TMLHE: variants seen among roughly 807,000 people sequenced by gnomAD.
TMLHE encodes trimethyllysine hydroxylase, epsilon.
Under a neutral mutation model 25.7 loss-of-function variants are expected in TMLHE, and 18 were observed. That is an observed-to-expected ratio of 0.70 (90% CI 0.48 to 1.04). The LOEUF is 1.04. TMLHE is among the 50% of genes least tolerant of loss of function. The pLI is 0.00. For synonymous variants in TMLHE, 105 were observed against 97.0 expected (o/e 1.08, Z -0.49); for missense variants, 236 against 259.0 (o/e 0.91, Z 0.61).
intron 1 of TMLHE, among the ~76,000 whole-genome samples, chrX:155,604,378 C>G (rs1480395148): frequency 1.8e-5 from 2 of 111,222 alleles, no homozygotes; most frequent in African/African-American, 6.5e-5. Context: ...CCTTCTCCCC[C>G]TCCCCATTCA....
chrX:155,525,744 C>T (rs1173659332), intron 2 of TMLHE, among the ~76,000 whole-genome samples: 2 of 112,143 alleles, frequency 1.8e-5, no homozygotes, highest in Non-Finnish European at 3.8e-5. Flanking sequence ...TTATTGGGAA[C>T]TGGAGTAATG....
At chrX:155,512,568 T>C (rs1333674475) in intron 4 of TMLHE, among the ~76,000 whole-genome samples, 5 of 111,137 alleles carry the variant, frequency 4.5e-5, no homozygotes, top group Admixed American at 9.6e-5. Flanking sequence ...CAGTCTATCA[T>C]TGTTGGACAT....
intron 1 of TMLHE, among the ~76,000 whole-genome samples, chrX:155,575,441 G>A (rs12834147): frequency 9.1e-6 from 1 of 109,971 alleles, no homozygotes; most frequent in Non-Finnish European, 1.9e-5. Context: ...CAAAATATTT[G>A]AAAATATAAT....
chrX:155,533,418 T>C (rs782325803), intron 2 of TMLHE, among the ~76,000 whole-genome samples: 1 of 111,604 alleles, frequency 9.0e-6, no homozygotes, highest in African/African-American at 3.3e-5. Flanking sequence ...CCCCTATTGG[T>C]TCTGTTCTGT....
chrX:155,555,219 A>G (rs1325447577), intron 1 of TMLHE, among the ~76,000 whole-genome samples: 2 of 110,050 alleles, frequency 1.8e-5, no homozygotes, highest in South Asian at 7.7e-4. Flanking sequence ...ATCATTGTTT[A>G]TGGCTGCATA....
At chrX:155,504,528 G>A (rs1232468944) in intron 6 of TMLHE, among the ~76,000 whole-genome samples, 3 of 108,004 alleles carry the variant, frequency 2.8e-5, no homozygotes, top group Middle Eastern at 4.7e-3. Context: ...AGAGTTGGTC[G>A]TTTAAAAGAG....
intron 1 of TMLHE, chrX:155,612,222 T>C (rs2067827419): frequency 1.8e-5 from 2 of 111,931 alleles, no homozygotes; most frequent in Admixed American, 9.4e-5. Context: ...AAAGAAAACT[T>C]CCTAGCCTAA....
At chrX:155,547,298 C>G (rs1346742233) in intron 1 of TMLHE, among the ~76,000 whole-genome samples, 5 of 96,375 alleles carry the variant, frequency 5.2e-5, no homozygotes, top group African/African-American at 1.4e-4. Flanking sequence ...GCACCTGCCA[C>G]CACGCCCGGC....
chrX:155,504,716 T>TA (rs1311276783), intron 6 of TMLHE, among the ~76,000 whole-genome samples: 3 of 110,727 alleles, frequency 2.7e-5, no homozygotes, highest in Non-Finnish European at 5.7e-5. Context: ...GAAAACATAT[T>TA]AAAAAAAACA....
At chrX:155,557,906 A>G (rs2067469374) in intron 1 of TMLHE, among the ~76,000 whole-genome samples, 1 of 111,249 alleles carries the variant, frequency 9.0e-6, no homozygotes, top group South Asian at 3.7e-4. Flanking sequence ...GTGTATCTCT[A>G]CTTGCCAACA....
intron 1 of TMLHE, among the ~76,000 whole-genome samples, chrX:155,568,697 A>C (rs1192908474): frequency 7.6e-4 from 43 of 56,797 alleles, no homozygotes; most frequent in Non-Finnish European, 1.3e-3. Context: ...TGTTCTGCAG[A>C]CACCGCTGCT....
At chrX:155,584,518 A>G (rs947561510) in intron 1 of TMLHE, among the ~76,000 whole-genome samples, 3 of 110,980 alleles carry the variant, frequency 2.7e-5, no homozygotes, top group Non-Finnish European at 3.8e-5. Flanking sequence ...TGGGGCTCAA[A>G]CATCCCCAGA....
Position 155,514,238 on chromosome X carries a change from TCATATTTAGTCA to T in TMLHE, c.374_385del (p.Val125_Tyr128del). On this transcript the variant is annotated inframe_deletion, in exon 4 of 8. Coordinates refer to ENST00000334398, the MANE Select transcript of TMLHE (RefSeq NM_018196.4). Reference sequence around the variant, plus strand: ...GCTGTTTTTCACCAGCCAATTCAAATCATATTTAGTCACATGACCATCTGGCCCTTTTAAGGG... The same window carrying T: ...GCTGTTTTTCACCAGCCAATTCAAATCATGACCATCTGGCCCTTTTAAGGG... 1.7e-6 allele frequency: 2 copies of T among 1,205,857 alleles called. No homozygotes were observed. Among genetic ancestry groups the T allele is most frequent in the Non-Finnish European group, 2.2e-6 (2 of 891,328 alleles).
intron 5 of TMLHE, among the ~76,000 whole-genome samples, chrX:155,510,453 T>A (rs1318860919): frequency 1.1e-5 from 1 of 88,000 alleles, no homozygotes; most frequent in African/African-American, 4.3e-5. Flanking sequence ...CCTGTGTCCA[T>A]GTGTTCTCAT....
chrX:155,596,656 T>C (rs949302723), intron 1 of TMLHE, among the ~76,000 whole-genome samples: 54 of 111,954 alleles, frequency 4.8e-4, no homozygotes, highest in African/African-American at 1.8e-3. Flanking sequence ...AGTTGCCCAA[T>C]ACACTGTCCC....
chrX:155,585,483 C>A (rs184944358), intron 1 of TMLHE, among the ~76,000 whole-genome samples: 33 of 109,989 alleles, frequency 3.0e-4, no homozygotes, highest in African/African-American at 1.1e-3. Flanking sequence ...TCTGTGTGCT[C>A]CATGAAAATA....
At chrX:155,547,108 C>G (rs1245436914) in intron 1 of TMLHE, among the ~76,000 whole-genome samples, 3 of 111,150 alleles carry the variant, frequency 2.7e-5, no homozygotes, top group Non-Finnish European at 5.7e-5. Context: ...AGTATATTCA[C>G]TCACTTCATT....
intron 2 of TMLHE, among the ~76,000 whole-genome samples, chrX:155,529,515 C>G (rs1557336851): frequency 8.9e-6 from 1 of 111,794 alleles, no homozygotes; most frequent in African/African-American, 3.2e-5. Context: ...CACTTGTTAT[C>G]TCTTGTCTTT....
At chrX:155,550,706 A>G (rs1334946983) in intron 1 of TMLHE, among the ~76,000 whole-genome samples, 2 of 110,808 alleles carry the variant, frequency 1.8e-5, no homozygotes, top group Non-Finnish European at 3.8e-5. Context: ...GAGACTTCAG[A>G]CAAGTGGTTT....
Sources: gnomAD v4.1 joint callset for allele counts (sites outside exome capture counted in the v4.1 genomes callset) on GRCh38, gnomAD v4.1.1 for gene constraint, MANE v1.5 for transcripts, NCBI Gene and HGNC (gene_info 2026-07-23, HGNC 2026-07-21) for gene names.